Variants in PCDH11X observed in about 807,000 individuals in gnomAD.
PCDH11X encodes protocadherin-11 X-linked.
PCDH11X carries 18 observed loss-of-function variants against 53.3 expected under a neutral mutation model. That is an observed-to-expected ratio of 0.34 (90% CI 0.23 to 0.50). PCDH11X has a LOEUF of 0.50. PCDH11X is among the 20% of genes least tolerant of loss of function. The pLI is 0.98. For synonymous variants in PCDH11X, 279 were observed against 393.3 expected (o/e 0.71, Z 3.44); for missense variants, 570 against 1,032.4 (o/e 0.55, Z 6.14).
chrX:92,553,562 A>T (rs1223311466), intron 10 of PCDH11X, among the ~76,000 whole-genome samples: 1 of 108,309 alleles, frequency 9.2e-6, no homozygotes, highest in Non-Finnish European at 1.9e-5. Flanking sequence ...TTTCATTTTA[A>T]TTTTATTTAT....
In PCDH11X at chrX:92,346,103, A is replaced by T. The variant is rs567387384; in HGVS notation, c.3145-41632A>T. ...ATATAGATGGGACGCTTGCATGTACATTAACGACTGCCAATGCTATATTGG... is the reference window on the plus strand; with the variant it reads ...ATATAGATGGGACGCTTGCATGTACTTTAACGACTGCCAATGCTATATTGG... On this transcript the variant is annotated intron_variant, in intron 8 of 10. Transcript: ENST00000682573. Among the ~76,000 whole-genome samples, 4 of 110,901 alleles carry T rather than the reference A, an allele frequency of 3.6e-5. 1 individual carries two copies. The South Asian group carries it at 1.5e-3, about 42-fold the overall frequency.
chrX:92,383,821 A>G (rs1217314295), intron 8 of PCDH11X, among the ~76,000 whole-genome samples: 1 of 111,940 alleles, frequency 8.9e-6, no homozygotes, highest in African/African-American at 3.3e-5. Flanking sequence ...AATGATTTAT[A>G]ATCCTTTGGG....
intron 5 of PCDH11X, among the ~76,000 whole-genome samples, chrX:91,843,754 C>T (rs1366757942): frequency 9.0e-6 from 1 of 110,935 alleles, no homozygotes; most frequent in East Asian, 2.8e-4. Context: ...ACCAAGCACT[C>T]TCATTAACTT....
At chrX:92,496,998 G>T (rs922639230) in intron 10 of PCDH11X, among the ~76,000 whole-genome samples, 6 of 111,602 alleles carry the variant, frequency 5.4e-5, no homozygotes, top group African/African-American at 1.6e-4. Flanking sequence ...TTAAAGAAAA[G>T]CAGAGTTGGG....
chrX:92,546,430 A>C (rs2074856232), intron 10 of PCDH11X, among the ~76,000 whole-genome samples: 1 of 111,433 alleles, frequency 9.0e-6, no homozygotes, highest in Non-Finnish European at 1.9e-5. Flanking sequence ...GAAAATTCTT[A>C]TCTCTCTGTA....
At chrX:92,545,079 A>G (rs2074823723) in intron 10 of PCDH11X, among the ~76,000 whole-genome samples, 1 of 111,450 alleles carries the variant, frequency 9.0e-6, no homozygotes, top group South Asian at 3.8e-4. Context: ...GTCCAAATGC[A>G]TGCTTCCATG....
At chrX:92,083,491 AT>A (rs1220010821) in intron 6 of PCDH11X, among the ~76,000 whole-genome samples, 3 of 111,845 alleles carry the variant, frequency 2.7e-5, no homozygotes, top group African/African-American at 9.7e-5. Flanking sequence ...CTTTCTCTGC[AT>A]TTTTTAGACT....
chrX:92,118,570 ACCCTCACAGCCCT>A (rs1416880172), intron 6 of PCDH11X, among the ~76,000 whole-genome samples: 80 of 109,938 alleles, frequency 7.3e-4, no homozygotes, highest in African/African-American at 2.6e-3. Flanking sequence ...TGACTGGCTT[ACCCTCACAGCCCT>A]CCCTCACATA....
At chrX:91,883,462 C>T (rs1393355845) in intron 6 of PCDH11X, 2 of 752,647 alleles carry the variant, frequency 2.7e-6, no homozygotes, top group Non-Finnish European at 3.1e-6. Flanking sequence ...AAAATATTCA[C>T]TAACATAATA....
At chrX:91,966,858 C>T (rs1439570965) in intron 6 of PCDH11X, among the ~76,000 whole-genome samples, 1 of 110,063 alleles carries the variant, frequency 9.1e-6, no homozygotes, top group Non-Finnish European at 1.9e-5. Context: ...GCAGACCGTG[C>T]AGGTTTGTCA....
chrX:92,586,708 AT>A (rs751881772), intron 10 of PCDH11X, among the ~76,000 whole-genome samples: 1 of 109,408 alleles, frequency 9.1e-6, no homozygotes, highest in East Asian at 2.9e-4. Context: ...ATCTTATGGT[AT>A]TTTTTCCTAG....
intron 1 of PCDH11X, among the ~76,000 whole-genome samples, chrX:91,790,710 T>C (rs1935502814): frequency 1.8e-5 from 2 of 111,125 alleles, no homozygotes; most frequent in Non-Finnish European, 3.8e-5. Context: ...TACAGCCGAA[T>C]AGTCACTTAA....
chrX:92,194,987 A>G (rs768017242), intron 6 of PCDH11X, among the ~76,000 whole-genome samples: 2 of 111,598 alleles, frequency 1.8e-5, no homozygotes, highest in South Asian at 3.7e-4. Context: ...TCATAATAAT[A>G]TGTAATCTTC....
chrX:92,144,373 G>T (rs1454194849), intron 6 of PCDH11X, among the ~76,000 whole-genome samples: 1 of 110,382 alleles, frequency 9.1e-6, no homozygotes, highest in Non-Finnish European at 1.9e-5. Context: ...CCCACGTGTT[G>T]TGCGAAGGAC....
chrX:92,480,018 C>A (rs1002195811), intron 10 of PCDH11X, among the ~76,000 whole-genome samples: 2 of 111,016 alleles, frequency 1.8e-5, no homozygotes, highest in African/African-American at 6.5e-5. Flanking sequence ...TCCATAATTC[C>A]ATTTTTTTTG....
chrX:92,090,342 G>A (rs2148117678), intron 6 of PCDH11X, among the ~76,000 whole-genome samples: 1 of 110,006 alleles, frequency 9.1e-6, no homozygotes, highest in South Asian at 3.9e-4. Flanking sequence ...TTAATAACTA[G>A]AGCAGAATGA....
intron 7 of PCDH11X, among the ~76,000 whole-genome samples, chrX:92,222,717 G>A (rs188150545): frequency 5.4e-5 from 6 of 111,577 alleles, no homozygotes; most frequent in African/African-American, 1.3e-4. Flanking sequence ...TTTCATCTCC[G>A]TAGGTATACT....
chrX:91,984,132 T>C (rs2062192049), intron 6 of PCDH11X, among the ~76,000 whole-genome samples: 1 of 92,094 alleles, frequency 1.1e-5, no homozygotes, highest in Non-Finnish European at 2.1e-5. Flanking sequence ...TAAAATAAAG[T>C]GAAAACTGTG....
intron 10 of PCDH11X, among the ~76,000 whole-genome samples, chrX:92,601,250 CT>C (rs1926189112): frequency 9.6e-6 from 1 of 104,675 alleles, no homozygotes; most frequent in African/African-American, 3.5e-5. Flanking sequence ...TGTGGTTTGC[CT>C]GTGTCCCCAC....
Sources: allele counts gnomAD v4.1 joint callset (sites outside exome capture counted in the v4.1 genomes callset), GRCh38; gene constraint gnomAD v4.1.1; transcripts MANE v1.5; gene names NCBI Gene and HGNC (gene_info 2026-07-23, HGNC 2026-07-21).